CECR2: variants seen among roughly 807,000 people sequenced by gnomAD.
CECR2 encodes the protein chromatin remodeling regulator CECR2.
Under a neutral mutation model 154.5 loss-of-function variants are expected in CECR2, and 30 were observed. That is an observed-to-expected ratio of 0.19 (90% CI 0.15 to 0.26). The LOEUF is 0.26. CECR2 is among the 10% of genes least tolerant of loss of function. The pLI is 1.00. For synonymous variants in CECR2, 725 were observed against 683.7 expected, an observed-to-expected ratio of 1.06 and a Z score of -0.94; for missense variants, 1,743 against 1,829.3, an observed-to-expected ratio of 0.95 and a Z score of 0.86.
chr22:17,524,157 A>G lies in CECR2; in HGVS notation c.994A>G (p.Lys332Glu), dbSNP rs753210062. Residue 332 changes from lysine to glutamate, a missense_variant, in exon 9 of 19, where the codon AAA becomes GAA. Transcript: ENST00000262608. ...VLTRIEKQKR[K>E]EEEEERQILL... ...GACCAGAATAGAAAAACAAAAGCGC[A>G]AAGAGGAGGAAGAAGAGCGTCAGAT... The G allele has an allele frequency of 1.2e-6, 2 of 1,603,070 alleles. No individual in the cohort carries two copies. The highest frequency in any genetic ancestry group is 2.2e-5 in the East Asian group (1 of 44,578).
At chr22:17,360,848 A>T (rs922324800) in intron 1 of CECR2, among the ~76,000 whole-genome samples, 1 of 128,750 alleles carries the variant, frequency 7.8e-6, no homozygotes, top group African/African-American at 2.5e-5. Context: ...TGTCTCAAAC[A>T]AACAAACAAA....
At chr22:17,459,325 C>A (rs554157394) in intron 1 of CECR2, among the ~76,000 whole-genome samples, 1 of 152,192 alleles carries the variant, frequency 6.6e-6, no homozygotes, top group Admixed American at 6.5e-5. Flanking sequence ...GCATCCCAGC[C>A]CTGTGTCCCA....
chr22:17,551,936 GA>G (rs2146159057), intron 17 of CECR2, 94 bp from the exon 18 acceptor site: 1 of 1,147,366 alleles, frequency 8.7e-7, no homozygotes, highest in East Asian at 2.5e-5. Flanking sequence ...TCACCGGGGT[GA>G]TGAAGGCAGT....
chr22:17,385,503 A>G (rs2063247481), intron 1 of CECR2, among the ~76,000 whole-genome samples: 1 of 152,228 alleles, frequency 6.6e-6, no homozygotes, highest in East Asian at 1.9e-4. Flanking sequence ...CAGACAGAAC[A>G]CACGCATTTA....
intron 1 of CECR2, among the ~76,000 whole-genome samples, chr22:17,412,833 G>A (rs999626877): frequency 3.3e-5 from 5 of 152,144 alleles, no homozygotes; most frequent in Admixed American, 6.5e-5. Context: ...GTGCAGAGCC[G>A]CCCCTTTCCT....
At chr22:17,540,886 C>G in intron 14 of CECR2, 86 bp downstream of exon 14, 1 of 1,349,156 alleles carries the variant, frequency 7.4e-7, no homozygotes, top group Non-Finnish European at 9.9e-7. Flanking sequence ...GTACTTCCTG[C>G]AAAATACTTA....
At chr22:17,510,116 G>A (rs559927316) in intron 7 of CECR2, among the ~76,000 whole-genome samples, 18 of 152,236 alleles carry the variant, frequency 1.2e-4, no homozygotes, top group African/African-American at 3.1e-4. Context: ...TTACAGATGC[G>A]GCGATGGGAA....
Position 17,495,990 on chromosome 22 carries a change from A to G in CECR2, c.222-1413A>G, listed in dbSNP as rs2055621391. Among the ~76,000 whole-genome samples, 4 of 152,204 alleles carry G rather than the reference A, an allele frequency of 2.6e-5. No individual in the cohort carries two copies. In the South Asian group the frequency reaches 8.3e-4, roughly 32 times the overall value. On this transcript the variant is annotated intron_variant, in intron 2 of 18. Coordinates refer to ENST00000262608, the MANE Select transcript of CECR2 (RefSeq NM_001290047.2). ...CAGGAGTTTGAGTCCAGCCTGGACAATATAGTGAGACCCCATATGGGAAAA... is the reference window on the plus strand; with the variant it reads ...CAGGAGTTTGAGTCCAGCCTGGACAGTATAGTGAGACCCCATATGGGAAAA...
At chr22:17,481,612 A>G (rs2055320249) in intron 2 of CECR2, among the ~76,000 whole-genome samples, 1 of 152,218 alleles carries the variant, frequency 6.6e-6, no homozygotes, top group South Asian at 2.1e-4. Context: ...AAAGGGCCAG[A>G]TAGTCAATAC....
intron 9 of CECR2, among the ~76,000 whole-genome samples, chr22:17,533,028 C>G (rs2056382272): frequency 6.6e-6 from 1 of 151,788 alleles, no homozygotes; most frequent in South Asian, 2.1e-4. Context: ...TAAAAGATAG[C>G]ATGACCCGGC....
At position 17,511,758 on chromosome 22, in the gene CECR2, A is replaced by G. The variant is rs966558480; in HGVS notation, c.871-55A>G. ...CGGCAGCAGCAGCAGCAGCATCAGTAGTTGAGAACACCCTAATCTATCTTT... is the reference window on the plus strand; with the variant it reads ...CGGCAGCAGCAGCAGCAGCATCAGTGGTTGAGAACACCCTAATCTATCTTT... On this transcript the variant is annotated intron_variant, in intron 7 of 18. Transcript: ENST00000262608. 15 of 1,447,818 alleles carry G rather than the reference A, an allele frequency of 1.0e-5. No homozygotes were observed. The Admixed American group carries it at 2.7e-4, about 26-fold the overall frequency. The allele number at this position is 1,447,818 out of a possible 1,614,324, so 89.7% of individuals were successfully genotyped here. A position where few individuals can be genotyped will look rare whatever the true frequency, so the allele number is the denominator to read the frequency against.
chr22:17,538,825 T>TA (rs1470105066), intron 12 of CECR2, 94 bp downstream of exon 12: 5 of 1,297,488 alleles, frequency 3.9e-6, no homozygotes, highest in South Asian at 1.4e-5. Flanking sequence ...TATATTTTGA[T>TA]ACGTTTTTCT....
rs1403651811 is a variant in CECR2 at position 17,405,673 on chromosome 22, A to G, written c.126+35764A>G. On this transcript the variant is annotated intron_variant, in intron 1 of 18. Coordinates refer to ENST00000262608, the MANE Select transcript of CECR2 (RefSeq NM_001290047.2). ...AAAAAAAAAAAAAAAAAAATTTTCA[A>G]TTGTTTGCTAGTATTAGAAATAGCG... Among the ~76,000 whole-genome samples, 4 of 145,644 alleles carry G rather than the reference A, an allele frequency of 2.7e-5. No homozygotes were observed. The South Asian group carries it at 6.5e-4, about 24-fold the overall frequency.
chr22:17,484,079 T>C (rs1436855658), intron 2 of CECR2, among the ~76,000 whole-genome samples: 1 of 152,210 alleles, frequency 6.6e-6, no homozygotes, highest in Non-Finnish European at 1.5e-5. Context: ...AGGTGTGTAG[T>C]AGGCTCTACC....
chr22:17,454,254 G>T (rs546192944), intron 1 of CECR2, among the ~76,000 whole-genome samples: 1 of 151,902 alleles, frequency 6.6e-6, no homozygotes, highest in African/African-American at 2.4e-5. Context: ...AGCCATGATC[G>T]CACCACTGCA....
At chr22:17,493,505 T>C (rs902466192) in intron 2 of CECR2, among the ~76,000 whole-genome samples, 2 of 152,282 alleles carry the variant, frequency 1.3e-5, no homozygotes, top group Non-Finnish European at 1.5e-5. Context: ...CCATTCACTC[T>C]CTGATGTTTA....
intron 1 of CECR2, among the ~76,000 whole-genome samples, chr22:17,362,603 T>C (rs2062982573): frequency 6.6e-6 from 1 of 152,086 alleles, no homozygotes; most frequent in Non-Finnish European, 1.5e-5. Flanking sequence ...TTAGATAGAT[T>C]GGATTTAAGA....
intron 7 of CECR2, among the ~76,000 whole-genome samples, chr22:17,508,977 G>A (rs1312707616): frequency 2.0e-5 from 3 of 152,196 alleles, no homozygotes; most frequent in African/African-American, 2.4e-5. Flanking sequence ...GGCCAGGGAC[G>A]TGGTGGCTCA....
chr22:17,496,302 C>T (rs2055626476), intron 2 of CECR2, among the ~76,000 whole-genome samples: 1 of 152,084 alleles, frequency 6.6e-6, no homozygotes, highest in South Asian at 2.1e-4. Context: ...TCGAGACCAT[C>T]CTGGTTAACA....
Sources: gnomAD v4.1 joint callset for allele counts (sites outside exome capture counted in the v4.1 genomes callset) on GRCh38, gnomAD v4.1.1 for gene constraint, MANE v1.5 for transcripts, NCBI Gene and HGNC (gene_info 2026-07-23, HGNC 2026-07-21) for gene names.